The following FRYL variants were observed in gnomAD, a reference collection of about 807,000 sequenced individuals.
FRYL encodes the protein FRY like transcription coactivator.
A neutral mutation model predicts 351.2 loss-of-function variants in FRYL; 150 were observed. That is an observed-to-expected ratio of 0.43 (90% CI 0.37 to 0.49). FRYL has a LOEUF of 0.49. Ranked by LOEUF, FRYL falls within the 20% of genes least tolerant of loss-of-function variation. The pLI is 0.00. For missense variants in FRYL, 3,036 were observed against 3,619.3 expected (o/e 0.84, Z 4.13); for synonymous variants, 1,153 against 1,257.1 (o/e 0.92, Z 1.75).
intron 1 of FRYL, among the ~76,000 whole-genome samples, chr4:48,711,039 A>G (rs1206480340): frequency 6.6e-6 from 1 of 152,262 alleles, no homozygotes; most frequent in African/African-American, 2.4e-5. Context: ...GATACATGCT[A>G]CAACATGGAT....
intron 1 of FRYL, among the ~76,000 whole-genome samples, chr4:48,736,340 AG>A (rs1298300419): frequency 6.6e-6 from 1 of 152,128 alleles, no homozygotes; most frequent in African/African-American, 2.4e-5. Flanking sequence ...TCCAAAGTAA[AG>A]AGAAGAAAAA....
chr4:48,614,721 C>CAAAAAAA (rs1161734085), intron 7 of FRYL, among the ~76,000 whole-genome samples: 2 of 47,124 alleles, frequency 4.2e-5, no homozygotes, highest in Non-Finnish European at 6.8e-5. Flanking sequence ...GACTCCATCT[C>CAAAAAAA]AAAAAAAAAA....
chr4:48,584,762 T>G (rs1435523299), intron 19 of FRYL, among the ~76,000 whole-genome samples: 1 of 152,250 alleles, frequency 6.6e-6, no homozygotes, highest in Non-Finnish European at 1.5e-5. Flanking sequence ...TTAACTTTCC[T>G]TAGGGACAGG....
chr4:48,598,653 G>C (rs1221813322), intron 13 of FRYL, among the ~76,000 whole-genome samples: 3 of 152,124 alleles, frequency 2.0e-5, no homozygotes, highest in Non-Finnish European at 4.4e-5. Context: ...GGGCCACACT[G>C]ATATTAAACC....
intron 3 of FRYL, among the ~76,000 whole-genome samples, chr4:48,682,348 G>C (rs1184041095): frequency 6.6e-6 from 1 of 152,082 alleles, no homozygotes; most frequent in African/African-American, 2.4e-5. Context: ...ATACCATTCA[G>C]GACACAGGCA....
chr4:48,670,547 T>C (rs1190852010), intron 3 of FRYL, among the ~76,000 whole-genome samples: 1 of 152,034 alleles, frequency 6.6e-6, no homozygotes, highest in Admixed American at 6.6e-5. Context: ...TAACTATTAC[T>C]ATTTTTGTAA....
At chr4:48,535,179 A>G (rs1728594690) in intron 48 of FRYL, among the ~76,000 whole-genome samples, 1 of 152,198 alleles carries the variant, frequency 6.6e-6, no homozygotes, top group East Asian at 1.9e-4. Context: ...AAACTTTTCC[A>G]GAAGAAATAC....
intron 1 of FRYL, among the ~76,000 whole-genome samples, chr4:48,775,850 A>G (rs1775959954): frequency 6.6e-6 from 1 of 152,230 alleles, no homozygotes; most frequent in Non-Finnish European, 1.5e-5. Flanking sequence ...GAACACAAAC[A>G]TACTAGTGGC....
intron 1 of FRYL, among the ~76,000 whole-genome samples, chr4:48,724,447 C>T (rs1344703102): frequency 6.6e-6 from 1 of 152,192 alleles, no homozygotes; most frequent in Non-Finnish European, 1.5e-5. Context: ...GGACTTCCCA[C>T]ATACCCTATC....
At chr4:48,730,100 T>A (rs540482506) in intron 1 of FRYL, among the ~76,000 whole-genome samples, 1 of 152,104 alleles carries the variant, frequency 6.6e-6, no homozygotes, top group Non-Finnish European at 1.5e-5. Flanking sequence ...CAAGCTTCAA[T>A]AGCTGAGCCA....
chr4:48,633,170 A>C (rs1265717256), intron 4 of FRYL, among the ~76,000 whole-genome samples: 1 of 152,160 alleles, frequency 6.6e-6, no homozygotes, highest in African/African-American at 2.4e-5. Context: ...CCCAAAGAGT[A>C]ACCTAAACTG....
Position 48,510,147 on chromosome 4 carries a change from C to T in FRYL, c.8306G>A (p.Cys2769Tyr). The T allele has an allele frequency of 6.2e-7, 1 of 1,611,848 alleles. No individual in the cohort carries two copies. The highest frequency in any genetic ancestry group is 1.1e-5 in the South Asian group (1 of 91,022). ...AAACTTGAGTGTTTCCAGCAAACCA[C>T]ATGACATCAGCTGTCAAATCAGAAG... ...VFVDAETLMS[C>Y]GLLETLKFGV... Residue 2769 changes from cysteine (C) to tyrosine (Y), a missense_variant, in exon 59 of 64, where the codon TGT becomes TAT. By Grantham distance (194) the Cys-to-Tyr change is radical. Around this residue, in one of 7 missense-constraint regions of FRYL, gnomAD observed 1,987 missense variants for 2,311.7 expected, o/e 0.86. Transcript: ENST00000358350.
chr4:48,713,474 G>C (rs1245467298), intron 1 of FRYL, among the ~76,000 whole-genome samples: 1 of 152,122 alleles, frequency 6.6e-6, no homozygotes, highest in Non-Finnish European at 1.5e-5. Flanking sequence ...TGCAATCCTA[G>C]TCTCTGATAA....
At chr4:48,658,804 G>C (rs1239698120) in intron 3 of FRYL, among the ~76,000 whole-genome samples, 1 of 151,190 alleles carries the variant, frequency 6.6e-6, no homozygotes, top group Non-Finnish European at 1.5e-5. Flanking sequence ...TAGAAGGAAA[G>C]TTGCTTTTAC....
At chr4:48,545,629 T>G (rs1467559169) in intron 42 of FRYL, among the ~76,000 whole-genome samples, 4 of 152,178 alleles carry the variant, frequency 2.6e-5, no homozygotes, top group Non-Finnish European at 4.4e-5. Context: ...TGCATTACAG[T>G]CAGAGTGGAT....
Position 48,710,519 on chromosome 4 carries a change from C to A in FRYL, c.-204G>T, listed in dbSNP as rs1230405859. 1.8e-5 allele frequency: 7 copies of A among 398,404 alleles called. No homozygotes were observed. The highest frequency in any genetic ancestry group is 3.1e-5 in the Non-Finnish European group (7 of 226,058). 24.7% of individuals were successfully genotyped at this position (398,404 alleles called of 1,614,324 possible). On this transcript the variant is annotated splice_region_variant and 5_prime_UTR_variant, in exon 2 of 64. The change abolishes the stop of an existing upstream ORF in the 5' untranslated region. Coordinates refer to ENST00000358350, the MANE Select transcript of FRYL (RefSeq NM_015030.2). ...AAAGAGGAAATATACATGTCCTTAC[C>A]ACTTAGAAATGGTTGTTGAGGCACA...
At position 48,567,834 on chromosome 4, in the gene FRYL, TTAAA is replaced by T. The variant is rs1288120587; in HGVS notation, c.2997-418_2997-415del. Among the ~76,000 whole-genome samples the T allele has an allele frequency of 6.6e-6, 1 of 152,246 alleles. No homozygotes were observed. Among genetic ancestry groups the T allele is most frequent in the African/African-American group, 2.4e-5 (1 of 41,476 alleles). On this transcript the variant is annotated intron_variant, in intron 27 of 63. Transcript: ENST00000358350. This position sits in a 1 kb window ranked among gnomAD's most constrained non-coding sequence, Gnocchi z 4.2. ...TATTCATATTGTGCCTTCAGCATAA[TTAAA>T]TATCTATTAGTCACTTAGTAACATT... is the stretch of plus-strand genomic sequence containing the variant.
At chr4:48,621,110 A>G (rs1323572800) in intron 5 of FRYL, among the ~76,000 whole-genome samples, 1 of 152,232 alleles carries the variant, frequency 6.6e-6, no homozygotes, top group Non-Finnish European at 1.5e-5. Context: ...CATTACAAAT[A>G]ACATGTACTT....
At chr4:48,658,181 A>G (rs961813552) in intron 3 of FRYL, among the ~76,000 whole-genome samples, 1 of 152,170 alleles carries the variant, frequency 6.6e-6, no homozygotes, top group African/African-American at 2.4e-5. Flanking sequence ...TGAGAATTAA[A>G]TGGTCTGGCT....
Sources: gnomAD v4.1 joint callset for allele counts (sites outside exome capture counted in the v4.1 genomes callset) on GRCh38, gnomAD v4.1.1 for gene constraint, gnomAD v4.1.1 regional missense constraint, Gnocchi (gnomAD v3.1) non-coding constraint, MANE v1.5 for transcripts, NCBI Gene and HGNC (gene_info 2026-07-23, HGNC 2026-07-21) for gene names.